Variants in RAD23A observed in about 807,000 individuals in gnomAD.
RAD23A encodes the protein lysine-specific demethylase RAD23A.
A neutral mutation model predicts 44.8 loss-of-function variants in RAD23A; 16 were observed. The observed-to-expected ratio is 0.36, with a 90% CI of 0.24 to 0.54. The LOEUF is 0.54. RAD23A is among the 20% of genes least tolerant of loss of function. The pLI, the probability that RAD23A is intolerant of heterozygous loss-of-function variation, is 0.89. For missense variants in RAD23A, 380 were observed against 483.3 expected (o/e 0.79, Z 2.00); for synonymous variants, 217 against 202.9 (o/e 1.07, Z -0.59).
chr19:12,948,488 A>G lies in RAD23A; in HGVS notation c.417-9A>G, dbSNP rs1971723594. 2 of 1,578,710 alleles carry G rather than the reference A, an allele frequency of 1.3e-6. No individual in the cohort carries two copies. The highest frequency in any genetic ancestry group is 2.7e-5 in the African/African-American group (2 of 73,456). ...GCCAGGGTCCGATTTCTCTCTCTTG[A>G]ATTTGCAGCTCTGTTCCCTCTTCAG... On this transcript the variant is annotated splice_polypyrimidine_tract_variant and intron_variant, in intron 3 of 8. Coordinates refer to ENST00000586534, the MANE Select transcript of RAD23A (RefSeq NM_005053.4). The surrounding 1 kb of genome is among the most constrained non-coding windows in gnomAD (Gnocchi z 5.5).
At chr19:12,946,667 G>A (rs1453036278) in intron 1 of RAD23A, among the ~76,000 whole-genome samples, 1 of 152,110 alleles carries the variant, frequency 6.6e-6, no homozygotes, top group Admixed American at 6.5e-5. Flanking sequence ...ATTCAAATTC[G>A]GTTCTGCCTC....
At position 12,948,334 on chromosome 19, in the gene RAD23A, C is replaced by A. The variant is rs148187629; in HGVS notation, c.392C>A (p.Thr131Lys). The A allele has an allele frequency of 1.7e-4, 278 of 1,598,666 alleles. 1 individual carries two copies. In the African/African-American group the frequency reaches 3.4e-3, roughly 20 times the overall value. ...AGCCCATCAGAGGAATCCGCCCCCA[C>A]GACGTCCCCAGAGTCTGTGTCAGGG... Reference protein sequence around the residue: ...DKSPSEESAPTTSPESVSGSV... With the variant: ...DKSPSEESAPKTSPESVSGSV... Residue 131 changes from threonine (T) to lysine (K), a missense_variant, in exon 3 of 9, where the codon ACG (threonine) becomes AAG (lysine). Physicochemically the swap from Thr to Lys is moderately conservative, Grantham distance 78. Coordinates refer to ENST00000586534, the MANE Select transcript of RAD23A (RefSeq NM_005053.4). This position sits in a 1 kb window ranked among gnomAD's most constrained non-coding sequence, Gnocchi z 5.5.
Position 12,946,084 on chromosome 19 carries a change from G to GGGGGGGGGGGGGGGGGGGGGC in RAD23A, c.72+64_72+65insGGGGGGGGGGGGGGGGGGGGC. ...GTTTCGGGGGTGGGGTGGGGGCGGG[G>GGGGGGGGGGGGGGGGGGGGGC]AGGCTAGAATCCCAACGGGAGGGGC... On this transcript the variant is annotated intron_variant, in intron 1 of 8. Coordinates refer to ENST00000586534, the MANE Select transcript of RAD23A (RefSeq NM_005053.4). 1.6e-5 allele frequency: 8 copies of GGGGGGGGGGGGGGGGGGGGGC among 512,126 alleles called. No homozygotes were observed. The East Asian group carries it at 1.6e-4, about 11-fold the overall frequency. The allele number at this position is 512,126 out of a possible 1,614,324, so 31.7% of individuals were successfully genotyped here.
chr19:12,950,277 C>A (rs1324277437), intron 7 of RAD23A, among the ~76,000 whole-genome samples: 1 of 152,210 alleles, frequency 6.6e-6, no homozygotes, highest in African/African-American at 2.4e-5. Context: ...TACCCCTTGT[C>A]CTGTCTGCTC....
In RAD23A at chr19:12,945,976, C is replaced by T; in HGVS notation, c.28C>T (p.Leu10=). MAVTITLKT[L]QQQTFKIRME... ...GGCCGTCACCATCACGCTCAAAACGCTGCAGCAGCAGACCTTCAAGATCCG... is the reference window on the plus strand; with the variant it reads ...GGCCGTCACCATCACGCTCAAAACGTTGCAGCAGCAGACCTTCAAGATCCG... The change falls in exon 1 of 9, where the codon CTG becomes TTG. Residue 10 remains leucine, a synonymous_variant. Coordinates refer to ENST00000586534, the MANE Select transcript of RAD23A (RefSeq NM_005053.4). The T allele has an allele frequency of 6.2e-7, 1 of 1,605,584 alleles. No homozygotes were observed. The highest frequency in any genetic ancestry group is 8.5e-7 in the Non-Finnish European group (1 of 1,176,648).
rs371737295 is a variant in RAD23A at position 12,948,045 on chromosome 19, C to T, written c.234+36C>T. On this transcript the variant is annotated intron_variant, in intron 2 of 8. Coordinates refer to ENST00000586534, the MANE Select transcript of RAD23A (RefSeq NM_005053.4). The surrounding 1 kb of genome is among the most constrained non-coding windows in gnomAD (Gnocchi z 5.5). ...TGTGCTGGCTGGGAGGGTGGGTGGA[C>T]GAGCTGGGGAGCTGGCAAAGAGCCT... 3.3e-5 allele frequency: 53 copies of T among 1,609,542 alleles called. No homozygotes were observed. Among genetic ancestry groups the T allele is most frequent in the African/African-American group, 5.3e-5 (4 of 74,824 alleles).
chr19:12,947,051 CAAAA>C (rs1971690728), intron 1 of RAD23A, among the ~76,000 whole-genome samples: 1 of 152,052 alleles, frequency 6.6e-6, no homozygotes, highest in South Asian at 2.1e-4. Context: ...AAAAAAGAAA[CAAAA>C]ATCAATAAAT....
chr19:12,952,620 T>G (rs912935526), intron 7 of RAD23A, 69 bp from the exon 8 acceptor site: 8 of 1,493,870 alleles, frequency 5.4e-6, no homozygotes, highest in Non-Finnish European at 7.3e-6. Flanking sequence ...AAGCAAGGGC[T>G]GTGATGACCT....
chr19:12,947,641 A>G (rs1971702665), intron 1 of RAD23A, among the ~76,000 whole-genome samples: 1 of 152,208 alleles, frequency 6.6e-6, no homozygotes, highest in African/African-American at 2.4e-5. Flanking sequence ...CCTGGCACAT[A>G]ATGGGTGTTT....
chr19:12,953,056 G>A lies in RAD23A; in HGVS notation c.*7G>A, dbSNP rs372762828. 3.1e-6 allele frequency: 5 copies of A among 1,611,468 alleles called. No homozygotes were observed. Among genetic ancestry groups the A allele is most frequent in the Admixed American group, 1.7e-5 (1 of 59,956 alleles). ...GAACTTTGATGACGAGTGATGCCAG[G>A]AAGCCAGGCCACCGAAGCCCCCACC... On this transcript the variant is annotated 3_prime_UTR_variant, in exon 9 of 9. Coordinates refer to ENST00000586534, the MANE Select transcript of RAD23A (RefSeq NM_005053.4).
At position 12,953,069 on chromosome 19, in the gene RAD23A, C is replaced by T. The variant is rs745559838; in HGVS notation, c.*20C>T. 1.3e-5 allele frequency: 20 copies of T among 1,573,246 alleles called. No individual in the cohort carries two copies. Among genetic ancestry groups the T allele is most frequent in the Non-Finnish European group, 1.7e-5 (19 of 1,143,332 alleles). ...GAGTGATGCCAGGAAGCCAGGCCAC[C>T]GAAGCCCCCACCCTACCCTTATTCC... On this transcript the variant is annotated 3_prime_UTR_variant, in exon 9 of 9. Transcript: ENST00000586534.
At chr19:12,949,218 C>T in intron 6 of RAD23A, 57 bp from the exon 7 acceptor site, 1 of 1,613,866 alleles carries the variant, frequency 6.2e-7, no homozygotes, top group Non-Finnish European at 8.5e-7. Context: ...ACACTCCACC[C>T]CGCAGTGCTC....
Position 12,952,686 on chromosome 19 carries a change from C to T in RAD23A, c.814-3C>T. 1 of 1,607,930 alleles carries T rather than the reference C, an allele frequency of 6.2e-7. No homozygotes were observed. Among genetic ancestry groups the T allele is most frequent in the Non-Finnish European group, 8.5e-7 (1 of 1,176,132 alleles). On this transcript the variant is annotated splice_region_variant and splice_polypyrimidine_tract_variant and intron_variant, in intron 7 of 8. Coordinates refer to ENST00000586534, the MANE Select transcript of RAD23A (RefSeq NM_005053.4). ...ACCTTCCCTTCCCCACCCTCTCCTG[C>T]AGCAAATCAGCCGGCACCAGGAGCA...
At chr19:12,946,180 CTTT>C (rs1971668798) in intron 1 of RAD23A, among the ~76,000 whole-genome samples, 160 bp downstream of exon 1, 5 of 152,198 alleles carry the variant, frequency 3.3e-5, no homozygotes, top group Non-Finnish European at 7.4e-5. Context: ...CCCCGATGGT[CTTT>C]GGCCCAGCCC....
chr19:12,948,431 C>CTGG lies in RAD23A; in HGVS notation c.417-66_417-65insTGG, dbSNP rs1971721484. ...ATTCCAGCGTCCACATAAGTGGTCC[C>CTGG]ACACACCTGGAGGGAGGGCAAGCCG... On this transcript the variant is annotated intron_variant, in intron 3 of 8. Coordinates refer to ENST00000586534, the MANE Select transcript of RAD23A (RefSeq NM_005053.4). This position sits in a 1 kb window ranked among gnomAD's most constrained non-coding sequence, Gnocchi z 5.5. The CTGG allele has an allele frequency of 6.5e-7, 1 of 1,546,534 alleles. No individual in the cohort carries two copies. Among genetic ancestry groups the CTGG allele is most frequent in the South Asian group, 1.2e-5 (1 of 80,924 alleles).
intron 7 of RAD23A, among the ~76,000 whole-genome samples, chr19:12,950,521 C>T (rs980440250): frequency 6.6e-6 from 1 of 152,104 alleles, no homozygotes; most frequent in Non-Finnish European, 1.5e-5. Flanking sequence ...TCTTTTGCCC[C>T]CGCCCGAGTA....
chr19:12,951,603 C>T lies in RAD23A; in HGVS notation c.814-1086C>T, dbSNP rs45447791. ...CTGGGATTACAGGCATGTGCCACCA[C>T]GCCCTGCTAATTTTATATTTTTAGT... On this transcript the variant is annotated intron_variant, in intron 7 of 8. Transcript: ENST00000586534. Among the ~76,000 whole-genome samples, 385 of 152,186 alleles carry T rather than the reference C, an allele frequency of 2.5e-3. 2 individuals are homozygous for T. Among genetic ancestry groups the T allele is most frequent in the African/African-American group, 8.9e-3 (371 of 41,518 alleles).
chr19:12,951,185 C>T (rs944319659), intron 7 of RAD23A, among the ~76,000 whole-genome samples: 7 of 152,196 alleles, frequency 4.6e-5, no homozygotes, highest in African/African-American at 9.7e-5. Flanking sequence ...CTATGTTGCC[C>T]AGGCTGGTTT....
At position 12,946,107 on chromosome 19, in the gene RAD23A, G is replaced by A. The variant is rs1439933201; in HGVS notation, c.72+87G>A. On this transcript the variant is annotated intron_variant, in intron 1 of 8. Transcript: ENST00000586534. ...GGGAGGCTAGAATCCCAACGGGAGG[G>A]GCAGGGAGGACGGCGCGGGTCGGCC... 15 of 1,316,980 alleles carry A rather than the reference G, an allele frequency of 1.1e-5. 1 individual carries two copies. Among genetic ancestry groups the A allele is most frequent in the African/African-American group, 3.0e-5 (2 of 66,446 alleles). 81.6% of individuals were successfully genotyped at this position (1,316,980 alleles called of 1,614,324 possible). A position where few individuals can be genotyped will look rare whatever the true frequency, so the allele number is the denominator to read the frequency against.
Sources: gnomAD v4.1 joint callset for allele counts (sites outside exome capture counted in the v4.1 genomes callset) on GRCh38, gnomAD v4.1.1 for gene constraint, Gnocchi (gnomAD v3.1) non-coding constraint, MANE v1.5 for transcripts, NCBI Gene and HGNC (gene_info 2026-07-23, HGNC 2026-07-21) for gene names.